The following FOXO1 variants were observed in gnomAD, a reference collection of about 807,000 sequenced individuals.
FOXO1 encodes forkhead box protein O1.
In FOXO1, 6 loss-of-function variants were observed where a neutral mutation model predicts 44.1. The ratio of observed to expected loss-of-function variants is 0.14; its 90% confidence interval spans 0.07 to 0.27. FOXO1 has a LOEUF of 0.27. Ranked by LOEUF, FOXO1 falls within the 10% of genes least tolerant of loss-of-function variation. The probability of loss-of-function intolerance (pLI) is 1.00; values close to 1 mark genes in which losing one functional copy is unlikely to be tolerated. For missense variants in FOXO1, 737 were observed against 888.8 expected, an observed-to-expected ratio of 0.83 and a Z score of 2.17; for synonymous variants, 380 against 362.7, an observed-to-expected ratio of 1.05 and a Z score of -0.54.
chr13:40,632,405 G>A lies in FOXO1; in HGVS notation c.630+33178C>T, dbSNP rs80196127. Among the ~76,000 whole-genome samples, 163 of 152,166 alleles carry A rather than the reference G, an allele frequency of 1.1e-3. 4 individuals are homozygous for A. In the East Asian group the frequency reaches 0.02, roughly 18 times the overall value. On this transcript the variant is annotated intron_variant, in intron 1 of 2. Transcript: ENST00000379561. ...AGGACAAATAACACAATTTAACAAT[G>A]GGCAAAGGGACCACTTGAGCCCCGG...
At position 40,560,501 on chromosome 13, in the gene FOXO1, G is replaced by A. The variant is rs1181234775; in HGVS notation, c.990C>T (p.Pro330=). The A allele has an allele frequency of 1.2e-6, 2 of 1,614,156 alleles. No individual in the cohort carries two copies. Among genetic ancestry groups the A allele is most frequent in the South Asian group, 2.2e-5 (2 of 91,074 alleles). The change falls in exon 2 of 3, where the codon CCC becomes CCT. Residue 330 remains proline (P), a synonymous_variant. Coordinates refer to ENST00000379561, the MANE Select transcript of FOXO1 (RefSeq NM_002015.4). This position sits in a 1 kb window ranked among gnomAD's most constrained non-coding sequence, Gnocchi z 5.1. ...CAAGATCATCCTGTTCGGTCATAAT[G>A]GGTGAGAGTCTCCCACTAATAGTAC... ...NASTISGRLS[P]IMTEQDDLGE...
In FOXO1 at chr13:40,619,453, G is replaced by A. The variant is rs757734313; in HGVS notation, c.630+46130C>T. The A allele has an allele frequency of 2.5e-5, 31 of 1,232,770 alleles. No individual in the cohort carries two copies. The Admixed American group carries it at 4.3e-4, about 17-fold the overall frequency. 76.4% of individuals were successfully genotyped at this position (1,232,770 alleles called of 1,614,324 possible). A position where few individuals can be genotyped will look rare whatever the true frequency, so the allele number is the denominator to read the frequency against. On this transcript the variant is annotated intron_variant, in intron 1 of 2. Transcript: ENST00000379561. ...ACAAAATGGGAATCAAAATTGGAGA[G>A]CTGTGAGTCGAACAAACTCGAACAG...
At chr13:40,663,221 A>AT (rs1264034476) in intron 1 of FOXO1, among the ~76,000 whole-genome samples, 1 of 152,238 alleles carries the variant, frequency 6.6e-6, no homozygotes, top group Non-Finnish European at 1.5e-5. Flanking sequence ...TTAAAAAAAA[A>AT]CTAAATTATT....
intron 1 of FOXO1, among the ~76,000 whole-genome samples, chr13:40,661,481 G>C (rs1251188778): frequency 1.3e-5 from 2 of 152,288 alleles, no homozygotes; most frequent in Admixed American, 6.5e-5. Flanking sequence ...TATTTTAGTA[G>C]AGATGAGGTT....
At chr13:40,640,758 TTTGTTG>T (rs142761112) in intron 1 of FOXO1, among the ~76,000 whole-genome samples, 3,171 of 140,506 alleles carry the variant, frequency 0.023, 40 homozygotes, top group African/African-American at 0.041. Flanking sequence ...TGTTATTTCT[TTTGTTG>T]TTGTTGTTGT....
intron 1 of FOXO1, among the ~76,000 whole-genome samples, chr13:40,620,798 G>GTTTTT (rs762814974): frequency 7.6e-5 from 8 of 105,504 alleles, no homozygotes; most frequent in African/African-American, 2.2e-4. Flanking sequence ...TCTTCCCCTT[G>GTTTTT]CTTTTTTTTT....
chr13:40,581,639 C>G (rs2701870), intron 1 of FOXO1, among the ~76,000 whole-genome samples: 14,866 of 152,194 alleles, frequency 0.098, 927 homozygotes, highest in East Asian at 0.24. Flanking sequence ...AAAAATTCAA[C>G]AGAAACTCTA....
At chr13:40,631,900 T>C (rs1169139777) in intron 1 of FOXO1, among the ~76,000 whole-genome samples, 1 of 152,190 alleles carries the variant, frequency 6.6e-6, no homozygotes, top group African/African-American at 2.4e-5. Flanking sequence ...ACAGTACGTT[T>C]TAAAACGGTT....
chr13:40,558,421 A>G lies in FOXO1; in HGVS notation c.*628T>C, dbSNP rs1282285230. 1 of 156,332 alleles carries G rather than the reference A, an allele frequency of 6.4e-6. No homozygotes were observed. Among genetic ancestry groups the G allele is most frequent in the East Asian group, 1.8e-4 (1 of 5,410 alleles). The allele number at this position is 156,332 out of a possible 1,614,324, so 9.7% of individuals were successfully genotyped here. A position where few individuals can be genotyped will look rare whatever the true frequency, so the allele number is the denominator to read the frequency against. ...CTGGCATTTAATCTTTTTTTTTCCA[A>G]AAGTTTAACAAGTCCATTAATTTAG... On this transcript the variant is annotated 3_prime_UTR_variant, in exon 3 of 3. Transcript: ENST00000379561.
intron 1 of FOXO1, among the ~76,000 whole-genome samples, chr13:40,650,957 G>A (rs111659253): frequency 4.9e-4 from 74 of 152,212 alleles, no homozygotes; most frequent in African/African-American, 1.7e-3. Flanking sequence ...GTTTCACCAC[G>A]TTAGCCAGGC....
chr13:40,641,383 T>G (rs1877347955), intron 1 of FOXO1, among the ~76,000 whole-genome samples: 1 of 151,726 alleles, frequency 6.6e-6, no homozygotes, highest in Non-Finnish European at 1.5e-5. Context: ...TCACTAATAC[T>G]TTGACATAAA....
intron 1 of FOXO1, among the ~76,000 whole-genome samples, chr13:40,622,641 G>A (rs1050879008): frequency 2.0e-5 from 3 of 152,150 alleles, no homozygotes; most frequent in Non-Finnish European, 4.4e-5. Context: ...TTCCACCATT[G>A]CCTGAGCCTG....
chr13:40,608,711 C>G (rs1163927866), intron 1 of FOXO1, among the ~76,000 whole-genome samples: 2 of 152,084 alleles, frequency 1.3e-5, no homozygotes, highest in Non-Finnish European at 2.9e-5. Context: ...AGAACATTGT[C>G]TACAAATTGA....
intron 1 of FOXO1, among the ~76,000 whole-genome samples, chr13:40,561,112 C>T (rs1471414145): frequency 1.3e-5 from 2 of 152,168 alleles, no homozygotes; most frequent in Non-Finnish European, 2.9e-5. Flanking sequence ...TAGCACTTTG[C>T]GAGGCCCAGG....
chr13:40,562,017 T>C (rs1177119562), intron 1 of FOXO1, among the ~76,000 whole-genome samples: 2 of 151,066 alleles, frequency 1.3e-5, no homozygotes, highest in Non-Finnish European at 2.9e-5. Context: ...TTAATAAGAC[T>C]TGGATTCATT....
intron 1 of FOXO1, among the ~76,000 whole-genome samples, chr13:40,626,701 A>G (rs1876796719): frequency 6.6e-6 from 1 of 152,196 alleles, no homozygotes; most frequent in Non-Finnish European, 1.5e-5. Flanking sequence ...CATTGGGGAA[A>G]GATGCCTAGT....
At chr13:40,594,268 A>C (rs1260351032) in intron 1 of FOXO1, among the ~76,000 whole-genome samples, 1 of 152,134 alleles carries the variant, frequency 6.6e-6, no homozygotes, top group Non-Finnish European at 1.5e-5. Flanking sequence ...TAAGGGGGCC[A>C]ATGGGGGCAG....
At position 40,610,986 on chromosome 13, in the gene FOXO1, T is replaced by C. The variant is rs1191516022; in HGVS notation, c.631-50126A>G. 6.6e-6 allele frequency: 3 copies of C among 451,680 alleles called. No homozygotes were observed. In the East Asian group the frequency reaches 2.1e-4, roughly 31 times the overall value. 28.0% of individuals were successfully genotyped at this position (451,680 alleles called of 1,614,324 possible). On this transcript the variant is annotated intron_variant, in intron 1 of 2. Coordinates refer to ENST00000379561, the MANE Select transcript of FOXO1 (RefSeq NM_002015.4). ...TAAAAACCACATGTATCTATACACA[T>C]ACATCTACATAAATTCCAGAATGCA...
At chr13:40,639,962 A>G (rs1274514693) in intron 1 of FOXO1, among the ~76,000 whole-genome samples, 1 of 152,230 alleles carries the variant, frequency 6.6e-6, no homozygotes, top group African/African-American at 2.4e-5. Context: ...CTCATTATAC[A>G]TGTGAGAAAA....
Sources: allele counts gnomAD v4.1 joint callset (sites outside exome capture counted in the v4.1 genomes callset), GRCh38; gene constraint gnomAD v4.1.1; non-coding constraint Gnocchi (gnomAD v3.1); transcripts MANE v1.5; gene names NCBI Gene and HGNC (gene_info 2026-07-23, HGNC 2026-07-21).